Variants in AGAP9 observed in about 807,000 individuals in gnomAD.
AGAP9 encodes arf-GAP with GTPase, ANK repeat and PH domain-containing protein 9.
Under a neutral mutation model 55.6 loss-of-function variants are expected in AGAP9, and 23 were observed. The ratio of observed to expected loss-of-function variants is 0.41; its 90% CI spans 0.30 to 0.59. AGAP9 has a LOEUF of 0.59. Among genes scored for constraint, AGAP9 ranks in the 20% least tolerant of loss-of-function variants. The pLI, the probability that AGAP9 is intolerant of heterozygous loss-of-function variation, is 0.25. For missense variants in AGAP9, 309 were observed against 808.1 expected (o/e 0.38, Z 7.49); for synonymous variants, 120 against 305.0 (o/e 0.39, Z 6.32).
intron 4 of AGAP9, among the ~76,000 whole-genome samples, chr10:47,516,546 AAC>A (rs1337937588): frequency 3.6e-5 from 5 of 137,184 alleles, no homozygotes; most frequent in African/African-American, 5.6e-5. Context: ...GACAGAAGGA[AAC>A]ACAGAATCTA....
Position 47,503,255 on chromosome 10 carries a change from G to A in AGAP9, c.874C>T (p.Arg292Ter), listed in dbSNP as rs1251583144. 49 of 1,545,512 alleles carry A rather than the reference G, an allele frequency of 3.2e-5. 10 individuals are homozygous for A. Among genetic ancestry groups the A allele is most frequent in the Middle Eastern group, 1.9e-4 (1 of 5,246 alleles). The part of the protein sequence containing the change: ...IPIKQGMLLK[R>*]SGKWLKTWKK... ...CATGTCTTCAGCCATTTTCCACTTC[G>A]CTTTAAGAGCATGCCCTGTTTAATG... Residue 292 changes from arginine (R) to a stop codon, truncating the protein, a stop_gained, in exon 8 of 8, where the codon CGA (arginine) becomes TGA (stop). Transcript: ENST00000452145. LOFTEE classifies it high-confidence loss of function.
chr10:47,507,986 C>T (rs1325971230), intron 5 of AGAP9, among the ~76,000 whole-genome samples: 8 of 115,190 alleles, frequency 6.9e-5, no homozygotes, highest in African/African-American at 1.9e-4. Context: ...CCTCCACCAC[C>T]CAGGTTCAAG....
At chr10:47,516,558 A>G (rs1327216067) in intron 4 of AGAP9, among the ~76,000 whole-genome samples, 1 of 138,024 alleles carries the variant, frequency 7.2e-6, no homozygotes, top group East Asian at 3.0e-4. Context: ...CACAGAATCT[A>G]GGACTCAGGA....
At position 47,502,604 on chromosome 10, in the gene AGAP9, A is replaced by C. The variant is rs4013543; in HGVS notation, c.1525T>G (p.Phe509Val). 1.7e-4 allele frequency: 266 copies of C among 1,528,214 alleles called. 18 individuals carry two copies. In the South Asian group the frequency reaches 2.6e-3, roughly 15 times the overall value. 94.7% of individuals were successfully genotyped at this position (1,528,214 alleles called of 1,614,324 possible). A position where few individuals can be genotyped will look rare whatever the true frequency, so the allele number is the denominator to read the frequency against. ...CIECSGIHRS[F>V]GTRLSRVRSL... ...CGCACACGGGAAAGGCGGGTGCCAA[A>C]ACTGCGGTGGATACCTGAGCATTCA... is the stretch of plus-strand genomic sequence containing the variant. The change falls in exon 8 of 8, where the codon TTT (phenylalanine) becomes GTT (valine). Residue 509 changes from phenylalanine to valine, a missense_variant. Coordinates refer to ENST00000452145, the MANE Select transcript of AGAP9 (RefSeq NM_001190810.1).
chr10:47,502,343 T>C lies in AGAP9; in HGVS notation c.1786A>G (p.Thr596Ala), dbSNP rs1047447. 0.06 allele frequency: 85,352 copies of C among 1,433,998 alleles called. 24,229 individuals are homozygous for C. The highest frequency in any genetic ancestry group is 0.39 in the East Asian group (12,429 of 31,610). 88.8% of individuals were successfully genotyped at this position (1,433,998 alleles called of 1,614,324 possible). The change falls in exon 8 of 8, where the codon ACT becomes GCT. Residue 596 changes from threonine (T) to alanine (A), a missense_variant. By Grantham distance (58) the Thr-to-Ala change is moderately conservative. Coordinates refer to ENST00000452145, the MANE Select transcript of AGAP9 (RefSeq NM_001190810.1). Reference protein sequence around the residue: ...SLGQQLLRATTDEDLQTAILL... With the variant: ...SLGQQLLRATADEDLQTAILL... ...ATGGCTGTCTGCAGGTCCTCATCAG[T>C]GGTGGCCCGCAGCAGCTGCTGGCCC...
intron 7 of AGAP9, among the ~76,000 whole-genome samples, chr10:47,503,772 A>G (rs1840408241): frequency 1.5e-5 from 2 of 135,530 alleles, no homozygotes; most frequent in African/African-American, 5.7e-5. Context: ...AAAAAAAAAA[A>G]AAGAAAAAAA....
At position 47,501,902 on chromosome 10, in the gene AGAP9, AAT is replaced by A; in HGVS notation, c.*248_*249del. 8.9e-7 allele frequency: 1 copy of A among 1,124,178 alleles called. No individual in the cohort carries two copies. The highest frequency in any genetic ancestry group is 1.2e-6 in the Non-Finnish European group (1 of 803,572). The allele number at this position is 1,124,178 out of a possible 1,614,324, so 69.6% of individuals were successfully genotyped here. ...CATCCACCTTGGCAAAAGGACATAA[AAT>A]ATGTCTTATGGTCAGAAAAATCAAC... On this transcript the variant is annotated 3_prime_UTR_variant, in exon 8 of 8. Coordinates refer to ENST00000452145, the MANE Select transcript of AGAP9 (RefSeq NM_001190810.1).
chr10:47,509,943 G>T (rs1462075938), intron 5 of AGAP9, among the ~76,000 whole-genome samples: 4 of 142,172 alleles, frequency 2.8e-5, no homozygotes, highest in African/African-American at 1.0e-4. Context: ...AAGGCATAAA[G>T]ACATCAAAAA....
intron 4 of AGAP9, among the ~76,000 whole-genome samples, chr10:47,516,677 G>A (rs1840721369): frequency 1.5e-5 from 2 of 135,448 alleles, no homozygotes; most frequent in Non-Finnish European, 3.1e-5. Context: ...TATTGAACTA[G>A]GATGACAAAA....
chr10:47,513,453 C>T lies in AGAP9; in HGVS notation c.397-3182G>A, dbSNP rs1588950980. ...GGTAGAATGAATATTGTGAAAATGA[C>T]CATACTGCCAAAAGCAATCTACAAA... On this transcript the variant is annotated intron_variant, in intron 4 of 7. Transcript: ENST00000452145. Among the ~76,000 whole-genome samples the T allele has an allele frequency of 1.4e-5, 2 of 142,000 alleles. 1 individual carries two copies. The highest frequency in any genetic ancestry group is 3.1e-5 in the Non-Finnish European group (2 of 65,170). 93.2% of individuals were successfully genotyped at this position (142,000 alleles called of 152,430 possible). A position where few individuals can be genotyped will look rare whatever the true frequency, so the allele number is the denominator to read the frequency against.
rs1405130774 is a variant in AGAP9 at position 47,502,294 on chromosome 10, C to A, written c.1835G>T (p.Arg612Leu). 8 of 1,601,212 alleles carry A rather than the reference C, an allele frequency of 5.0e-6. No homozygotes were observed. In the African/African-American group the frequency reaches 6.9e-5, roughly 14 times the overall value. The change falls in exon 8 of 8, where the codon CGT becomes CTT. Residue 612 changes from arginine (R) to leucine (L), a missense_variant. Physicochemically the swap from Arg to Leu is moderately radical, Grantham distance 102. Transcript: ENST00000452145. ...CCCACAGGTCTCGTTCACCTCCTCACGGGAGCCATGTGCCAGCAGCAGGAT... is the reference window on the plus strand; with the variant it reads ...CCCACAGGTCTCGTTCACCTCCTCAAGGGAGCCATGTGCCAGCAGCAGGAT... Reference protein sequence around the residue: ...TAILLLAHGSREEVNETCGEG... With the variant: ...TAILLLAHGSLEEVNETCGEG...
At chr10:47,506,432 G>T (rs1241539468) in intron 6 of AGAP9, among the ~76,000 whole-genome samples, 1 of 138,212 alleles carries the variant, frequency 7.2e-6, no homozygotes, top group Non-Finnish European at 1.5e-5. Context: ...CCAGGCTCAA[G>T]TGATTCTCCT....
intron 6 of AGAP9, among the ~76,000 whole-genome samples, chr10:47,506,072 A>G (rs1198463454): frequency 3.7e-5 from 5 of 135,572 alleles, no homozygotes; most frequent in Admixed American, 1.5e-4. Context: ...AACATAAACC[A>G]ATATATTCCA....
intron 5 of AGAP9, among the ~76,000 whole-genome samples, chr10:47,509,716 G>C (rs1308325438): frequency 0.028 from 3,819 of 134,670 alleles, 17 homozygotes; most frequent in African/African-American, 0.11. Flanking sequence ...CTCTCAAAGC[G>C]CATCTTTGTG....
intron 4 of AGAP9, among the ~76,000 whole-genome samples, chr10:47,517,351 C>T (rs1440527452): frequency 1.1e-5 from 1 of 91,316 alleles, no homozygotes; most frequent in Non-Finnish European, 2.0e-5. Context: ...TGGCTCACTG[C>T]AACCTCCGCC....
Position 47,507,598 on chromosome 10 carries a change from C to G in AGAP9, c.498-15G>C. The G allele has an allele frequency of 6.5e-7, 1 of 1,531,086 alleles. No individual in the cohort carries two copies. The allele number at this position is 1,531,086 out of a possible 1,614,324, so 94.8% of individuals were successfully genotyped here. ...CCAAGGTCACACTGTGGAAGGAAAA[C>G]AAATTCATAACAATAGATGTTATCA... On this transcript the variant is annotated splice_polypyrimidine_tract_variant and intron_variant, in intron 5 of 7. Coordinates refer to ENST00000452145, the MANE Select transcript of AGAP9 (RefSeq NM_001190810.1).
At position 47,502,697 on chromosome 10, in the gene AGAP9, G is replaced by A; in HGVS notation, c.1432C>T (p.His478Tyr). Residue 478 changes from histidine (H) to tyrosine (Y), a missense_variant, in exon 8 of 8, where the codon CAC becomes TAC. Transcript: ENST00000452145. ...QSIQNMRGNA[H>Y]CVDCETQNPK... ...TTCTGGGTCTCACAGTCCACACAGT[G>A]GGCGTTCCCACGCATGTTTTGGATC... 1 of 1,608,458 alleles carries A rather than the reference G, an allele frequency of 6.2e-7. No homozygotes were observed.
chr10:47,522,031 C>T (rs1434124117), intron 2 of AGAP9, among the ~76,000 whole-genome samples: 1 of 150,952 alleles, frequency 6.6e-6, no homozygotes, highest in Non-Finnish European at 1.5e-5. Flanking sequence ...AGGTGATCCG[C>T]CTGCCACAGC....
At position 47,502,330 on chromosome 10, in the gene AGAP9, A is replaced by G; in HGVS notation, c.1799T>C (p.Leu600Pro). The G allele has an allele frequency of 3.1e-6, 5 of 1,602,784 alleles. 1 individual carries two copies. Among genetic ancestry groups the G allele is most frequent in the Non-Finnish European group, 4.2e-6 (5 of 1,177,162 alleles). ...TGCCAGCAGCAGGATGGCTGTCTGC[A>G]GGTCCTCATCAGTGGTGGCCCGCAG... ...QLLRATTDEDLQTAILLLAHG... is the reference protein window; with the variant it reads ...QLLRATTDEDPQTAILLLAHG... Residue 600 changes from leucine (L) to proline (P), a missense_variant, in exon 8 of 8, where the codon CTG becomes CCG. Transcript: ENST00000452145.
Sources: gnomAD v4.1 joint callset for allele counts (sites outside exome capture counted in the v4.1 genomes callset) on GRCh38, gnomAD v4.1.1 for gene constraint, MANE v1.5 for transcripts, NCBI Gene and HGNC (gene_info 2026-07-23, HGNC 2026-07-21) for gene names.